Variants in CYP1B1 observed in about 807,000 individuals in gnomAD.
The protein encoded by CYP1B1 is cytochrome P450 family 1 subfamily B member 1.
Under a neutral mutation model 29.9 loss-of-function variants are expected in CYP1B1, and 22 were observed. That is an observed-to-expected ratio of 0.74 (90% CI 0.53 to 1.05). The LOEUF is 1.05. CYP1B1 is among the 50% of genes least tolerant of loss of function. The probability of loss-of-function intolerance (pLI) is 0.00; values close to 1 mark genes in which losing one functional copy is unlikely to be tolerated. For synonymous variants in CYP1B1, 375 were observed against 320.0 expected, an observed-to-expected ratio of 1.17 and a Z score of -1.83; for missense variants, 883 against 746.9, an observed-to-expected ratio of 1.18 and a Z score of -2.12.
rs1393153202 is a variant in CYP1B1 at position 38,068,690 on chromosome 2, A to C, written c.*2032T>G. The C allele has an allele frequency of 4.5e-5, 10 of 223,942 alleles. No individual in the cohort carries two copies. The allele number at this position is 223,942 out of a possible 1,614,324, so 13.9% of individuals were successfully genotyped here. A position where few individuals can be genotyped will look rare whatever the true frequency, so the allele number is the denominator to read the frequency against. On this transcript the variant is annotated 3_prime_UTR_variant, in exon 3 of 3. Coordinates refer to ENST00000610745, the MANE Select transcript of CYP1B1 (RefSeq NM_000104.4). ...AGTACAGCTATGAAATTTTAAAATA[A>C]AATTACATGAAGTTTTTTAATATTC...
At position 38,070,812 on chromosome 2, in the gene CYP1B1, C is replaced by T; in HGVS notation, c.1542G>A (p.Lys514=). 2.5e-6 allele frequency: 4 copies of T among 1,614,196 alleles called. No homozygotes were observed. Among genetic ancestry groups the T allele is most frequent in the Non-Finnish European group, 3.4e-6 (4 of 1,180,036 alleles). ...TGAGAGTGACATTGACTTTAAATGA[C>T]TTGGGTTTAATGGTTAGACCATAAC... ...NFSYGLTIKP[K]SFKVNVTLRE... Residue 514 remains lysine (K), a synonymous_variant, in exon 3 of 3, where the codon AAG becomes AAA. Coordinates refer to ENST00000610745, the MANE Select transcript of CYP1B1 (RefSeq NM_000104.4).
intron 2 of CYP1B1, among the ~76,000 whole-genome samples, chr2:38,072,321 G>C (rs1346449504): frequency 6.6e-6 from 1 of 152,122 alleles, no homozygotes; most frequent in Non-Finnish European, 1.5e-5. Flanking sequence ...CCAGGAGTTT[G>C]GGACCAGCCT....
In CYP1B1 at chr2:38,071,286, C is replaced by A. The variant is rs1481802152; in HGVS notation, c.1068G>T (p.Val356=). ...CCACGACCTGATCCAATTCTGCCTGCACTCGAGTCTGCACATCAGGATACC... is the reference window on the plus strand; with the variant it reads ...CCACGACCTGATCCAATTCTGCCTGAACTCGAGTCTGCACATCAGGATACC... ...FTRYPDVQTR[V]QAELDQVVGR... The change falls in exon 3 of 3, where the codon GTG becomes GTT. Residue 356 remains valine (V), a synonymous_variant. Transcript: ENST00000610745. The A allele has an allele frequency of 1.9e-6, 3 of 1,612,414 alleles. No homozygotes were observed. Among genetic ancestry groups the A allele is most frequent in the Non-Finnish European group, 2.5e-6 (3 of 1,179,470 alleles).
chr2:38,073,882 C>T, intron 2 of CYP1B1: 1 of 161,516 alleles, frequency 6.2e-6, no homozygotes. Flanking sequence ...CCGCTTTTAG[C>T]GCCAGGGCTG....
rs778934619 is a variant in CYP1B1, at chr2:38,071,178, G to A, written c.1176C>T (p.Ser392=). 1.9e-6 allele frequency: 3 copies of A among 1,613,760 alleles called. No homozygotes were observed. Among genetic ancestry groups the A allele is most frequent in the African/African-American group, 1.3e-5 (1 of 74,930 alleles). The change falls in exon 3 of 3, where the codon TCC becomes TCT. Residue 392 remains serine (S), a synonymous_variant. Coordinates refer to ENST00000610745, the MANE Select transcript of CYP1B1 (RefSeq NM_000104.4). ...GAGGAATAGTGACAGGCACAAAGCTGGAGAAGCGCATGGCTTCATAAAGGA... is the reference window on the plus strand; with the variant it reads ...GAGGAATAGTGACAGGCACAAAGCTAGAGAAGCGCATGGCTTCATAAAGGA... The part of the protein sequence containing the change: ...LAFLYEAMRF[S]SFVPVTIPHA...
In CYP1B1 at chr2:38,075,790, G is replaced by A. The variant is rs1335563793; in HGVS notation, c.-12C>T. On this transcript the variant is annotated 5_prime_UTR_variant, in exon 1 of 3. Transcript: ENST00000610745. ...GGCAGACAGACTGACCTGCGGGGAG[G>A]TGCGGTTTCCAGTGGCGCGGGACAG... The A allele has an allele frequency of 3.8e-6, 1 of 263,948 alleles. No homozygotes were observed. The highest frequency in any genetic ancestry group is 4.8e-5 in the South Asian group (1 of 20,716). The allele number at this position is 263,948 out of a possible 1,614,324, so 16.4% of individuals were successfully genotyped here. A position where few individuals can be genotyped will look rare whatever the true frequency, so the allele number is the denominator to read the frequency against.
Position 38,068,387 on chromosome 2 carries a change from G to A in CYP1B1, c.*2335C>T, listed in dbSNP as rs1210639298. ...TTTCCTTTTGCCGCAAGCATCTGAT[G>A]ACGACTGGGCCTACATACGTAAAAA... is the stretch of plus-strand genomic sequence containing the variant. On this transcript the variant is annotated 3_prime_UTR_variant, in exon 3 of 3. Coordinates refer to ENST00000610745, the MANE Select transcript of CYP1B1 (RefSeq NM_000104.4). 1 of 227,850 alleles carries A rather than the reference G, an allele frequency of 4.4e-6. No individual in the cohort carries two copies. Among genetic ancestry groups the A allele is most frequent in the African/African-American group, 2.2e-5 (1 of 44,984 alleles). 14.1% of individuals were successfully genotyped at this position (227,850 alleles called of 1,614,324 possible).
chr2:38,072,556 A>G (rs1030994589), intron 2 of CYP1B1, among the ~76,000 whole-genome samples: 3 of 152,228 alleles, frequency 2.0e-5, no homozygotes, highest in Non-Finnish European at 4.4e-5. Context: ...GTTAGAAGTC[A>G]AAAAACAAGT....
At position 38,075,056 on chromosome 2, in the gene CYP1B1, G is replaced by C. The variant is rs1243178395; in HGVS notation, c.333C>G (p.Gly111=). 18 of 1,586,070 alleles carry C rather than the reference G, an allele frequency of 1.1e-5. No homozygotes were observed. Among genetic ancestry groups the C allele is most frequent in the Non-Finnish European group, 1.4e-5 (16 of 1,174,212 alleles). The change falls in exon 2 of 3, where the codon GGC becomes GGG. Residue 111 remains glycine, a synonymous_variant. Coordinates refer to ENST00000610745, the MANE Select transcript of CYP1B1 (RefSeq NM_000104.4). Reference sequence around the variant, plus strand: ...AGGCCGGCCGGTCGGCGAAGGCCGAGCCCTGCTGCACCAGGGCCTGGTGGA... The same window carrying C: ...AGGCCGGCCGGTCGGCGAAGGCCGACCCCTGCTGCACCAGGGCCTGGTGGA... ...RAIHQALVQQ[G]SAFADRPAFA...
intron 2 of CYP1B1, among the ~76,000 whole-genome samples, chr2:38,071,710 A>G (rs1477145125): frequency 6.6e-6 from 1 of 152,216 alleles, no homozygotes; most frequent in Non-Finnish European, 1.5e-5. Flanking sequence ...TACAATCTTC[A>G]GACCTAAAAA....
At chr2:38,075,423 G>A in intron 1 of CYP1B1, 34 bp from the exon 2 acceptor site, 1 of 1,604,070 alleles carries the variant, frequency 6.2e-7, no homozygotes, top group Non-Finnish European at 8.5e-7. Context: ...TGACACTCAG[G>A]GGTGCAGAGA....
Position 38,068,415 on chromosome 2 carries a change from G to C in CYP1B1, c.*2307C>G. 4.4e-6 allele frequency: 1 copy of C among 227,640 alleles called. No individual in the cohort carries two copies. The highest frequency in any genetic ancestry group is 8.7e-6 in the Non-Finnish European group (1 of 114,328). 14.1% of individuals were successfully genotyped at this position (227,640 alleles called of 1,614,324 possible). A position where few individuals can be genotyped will look rare whatever the true frequency, so the allele number is the denominator to read the frequency against. ...GACTGGGCCTACATACGTAAAAACA[G>C]ATTATAGCACATCTGGACCTGGTTG... On this transcript the variant is annotated 3_prime_UTR_variant, in exon 3 of 3. Coordinates refer to ENST00000610745, the MANE Select transcript of CYP1B1 (RefSeq NM_000104.4).
chr2:38,069,502 T>C lies in CYP1B1; in HGVS notation c.*1220A>G, dbSNP rs537837714. On this transcript the variant is annotated 3_prime_UTR_variant, in exon 3 of 3. Transcript: ENST00000610745. ...AGTTAAAATTTAAGCATGCCATGAA[T>C]TTGGAATTTTAATATATTAATTAGG... 1.0e-5 allele frequency: 2 copies of C among 198,998 alleles called. No homozygotes were observed. The highest frequency in any genetic ancestry group is 4.6e-5 in the African/African-American group (2 of 43,594). 12.3% of individuals were successfully genotyped at this position (198,998 alleles called of 1,614,324 possible).
chr2:38,075,648 A>C (rs999005265), intron 1 of CYP1B1, 132 bp downstream of exon 1: 5 of 581,090 alleles, frequency 8.6e-6, no homozygotes, highest in African/African-American at 3.7e-5. Context: ...CGGTTCCTGC[A>C]ATCTGGGGAC....
Position 38,071,298 on chromosome 2 carries a change from C to T in CYP1B1, c.1056G>A (p.Val352=), listed in dbSNP as rs190572437. 1.2e-6 allele frequency: 2 copies of T among 1,613,024 alleles called. No homozygotes were observed. Among genetic ancestry groups the T allele is most frequent in the Middle Eastern group, 1.6e-4 (1 of 6,062 alleles). Reference sequence around the variant, plus strand: ...CCAATTCTGCCTGCACTCGAGTCTGCACATCAGGATACCTGTTTGGTGTTT... The same window carrying T: ...CCAATTCTGCCTGCACTCGAGTCTGTACATCAGGATACCTGTTTGGTGTTT... ...LLLLFTRYPD[V]QTRVQAELDQ... Residue 352 remains valine (V), a synonymous_variant, in exon 3 of 3, where the codon GTG becomes GTA. Transcript: ENST00000610745.
At chr2:38,071,957 G>A (rs1266689330) in intron 2 of CYP1B1, among the ~76,000 whole-genome samples, 1 of 152,102 alleles carries the variant, frequency 6.6e-6, no homozygotes, top group Non-Finnish European at 1.5e-5. Context: ...GATAATTGGT[G>A]TCCTGATGGA....
chr2:38,075,088 G>T lies in CYP1B1; in HGVS notation c.301C>A (p.Arg101Ser). ...SCPIVVLNGE[R>S]AIHQALVQQG... ...TGCACCAGGGCCTGGTGGATGGCGCGCTCGCCATTCAGCACCACTATGGGG... is the reference window on the plus strand; with the variant it reads ...TGCACCAGGGCCTGGTGGATGGCGCTCTCGCCATTCAGCACCACTATGGGG... The change falls in exon 2 of 3, where the codon CGC (arginine) becomes AGC (serine). Residue 101 changes from arginine to serine, a missense_variant. Physicochemically the swap from Arg to Ser is moderately radical, Grantham distance 110. Coordinates refer to ENST00000610745, the MANE Select transcript of CYP1B1 (RefSeq NM_000104.4). The T allele has an allele frequency of 6.3e-7, 1 of 1,580,122 alleles. No homozygotes were observed. Among genetic ancestry groups the T allele is most frequent in the Non-Finnish European group, 8.5e-7 (1 of 1,170,800 alleles).
rs1158437743 is a variant in CYP1B1, at chr2:38,069,994, A to G, written c.*728T>C. 9.9e-6 allele frequency: 2 copies of G among 203,026 alleles called. No individual in the cohort carries two copies. Among genetic ancestry groups the G allele is most frequent in the East Asian group, 1.5e-4 (2 of 13,130 alleles). The allele number at this position is 203,026 out of a possible 1,614,324, so 12.6% of individuals were successfully genotyped here. On this transcript the variant is annotated 3_prime_UTR_variant, in exon 3 of 3. Transcript: ENST00000610745. Reference sequence around the variant, plus strand: ...TACAACATCACCTTGGAGTTTTACAATTTAATAATGCATACTTTAAAATTC... The same window carrying G: ...TACAACATCACCTTGGAGTTTTACAGTTTAATAATGCATACTTTAAAATTC...
rs1001561744 is a variant in CYP1B1, at chr2:38,074,975, C to G, written c.414G>C (p.Ser138=). 6.3e-7 allele frequency: 1 copy of G among 1,584,850 alleles called. No individual in the cohort carries two copies. The highest frequency in any genetic ancestry group is 2.3e-5 in the East Asian group (1 of 43,996). Residue 138 remains serine (S), a synonymous_variant, in exon 2 of 3, where the codon TCG becomes TCC. Transcript: ENST00000610745. ...GGRSMAFGHY[S]EHWKVQRRAA... is the part of the protein sequence containing the mutation. Reference sequence around the variant, plus strand: ...CGCGCCGCTGCACCTTCCAGTGCTCCGAGTAGTGGCCGAAAGCCATGCTGC... The same window carrying G: ...CGCGCCGCTGCACCTTCCAGTGCTCGGAGTAGTGGCCGAAAGCCATGCTGC...
Sources: gnomAD v4.1 joint callset for allele counts (sites outside exome capture counted in the v4.1 genomes callset) on GRCh38, gnomAD v4.1.1 for gene constraint, MANE v1.5 for transcripts, NCBI Gene and HGNC (gene_info 2026-07-23, HGNC 2026-07-21) for gene names.